The following TSPAN15 variants were observed in gnomAD, a reference collection of about 807,000 sequenced individuals.
TSPAN15 encodes tetraspanin 15.
TSPAN15 carries 20 observed loss-of-function variants against 34.5 expected under a neutral mutation model. The observed-to-expected ratio is 0.58, with a 90% CI of 0.41 to 0.84. The LOEUF is 0.84. Among genes scored for constraint, TSPAN15 ranks in the 40% least tolerant of loss-of-function variants. TSPAN15 has a pLI of 0.00. For missense variants in TSPAN15, 313 were observed against 386.1 expected (o/e 0.81, Z 1.59); for synonymous variants, 155 against 153.9 (o/e 1.01, Z -0.05).
chr10:69,506,118 ATGCAGCGTTTCAGTG>A lies in TSPAN15; in HGVS notation c.619_633del (p.Arg207_Gln211del). On this transcript the variant is annotated splice_acceptor_variant and splice_polypyrimidine_tract_variant and coding_sequence_variant and intron_variant, in exon 7 of 8. Transcript: ENST00000373290. LOFTEE classifies it high-confidence loss of function. The surrounding 1 kb of genome is among the most constrained non-coding windows in gnomAD (Gnocchi z 4.7). Reference sequence around the variant, plus strand: ...TGCTGGGCTGACCCAGCTCCTTCCCATGCAGCGTTTCAGTGTGCAGGATGTCATCTACGTGCGGGG... The same window carrying A: ...TGCTGGGCTGACCCAGCTCCTTCCCATGCAGGATGTCATCTACGTGCGGGG... 1 of 1,613,028 alleles carries A rather than the reference ATGCAGCGTTTCAGTG, an allele frequency of 6.2e-7. No individual in the cohort carries two copies.
chr10:69,506,786 T>G lies in TSPAN15; in HGVS notation c.736-43T>G. On this transcript the variant is annotated intron_variant, in intron 7 of 7. Transcript: ENST00000373290. The surrounding 1 kb of genome is among the most constrained non-coding windows in gnomAD (Gnocchi z 4.7). ...CCGGGAGCTGCAGGGAGGGCTGCCC[T>G]GATTCCCAGCAGGCCCTCACCAGCC... 6.5e-7 allele frequency: 1 copy of G among 1,544,740 alleles called. No individual in the cohort carries two copies. Among genetic ancestry groups the G allele is most frequent in the Non-Finnish European group, 8.8e-7 (1 of 1,141,364 alleles).
chr10:69,459,407 A>G (rs1841193677), intron 1 of TSPAN15, among the ~76,000 whole-genome samples: 1 of 152,188 alleles, frequency 6.6e-6, no homozygotes, highest in South Asian at 2.1e-4. Flanking sequence ...TAAGGAGAAA[A>G]TTAGGGAGCA....
the TSPAN15 span, among the ~76,000 whole-genome samples, chr10:69,539,253 G>A: frequency 3.3e-5 from 5 of 151,984 alleles, no homozygotes; most frequent in East Asian, 9.7e-4. Context: ...TTGCAGGAAA[G>A]GGTGGGAGGG....
At chr10:69,495,765 T>C (rs1842067666) in intron 4 of TSPAN15, 76 bp downstream of exon 4, 6 of 1,046,096 alleles carry the variant, frequency 5.7e-6, no homozygotes, top group South Asian at 5.2e-5. Context: ...CTCAAGAAGA[T>C]GGGGTGAGGG....
At chr10:69,479,995 C>A (rs1841698257) in intron 1 of TSPAN15, among the ~76,000 whole-genome samples, 1 of 152,180 alleles carries the variant, frequency 6.6e-6, no homozygotes, top group African/African-American at 2.4e-5. Context: ...TGTCTCAAGG[C>A]TAACTAGCAA....
intron 1 of TSPAN15, among the ~76,000 whole-genome samples, chr10:69,456,506 T>G (rs1216878257): frequency 6.6e-6 from 1 of 152,224 alleles, no homozygotes; most frequent in Admixed American, 6.5e-5. Context: ...TTTAAATTTA[T>G]TTTTAAAAGG....
intron 1 of TSPAN15, among the ~76,000 whole-genome samples, chr10:69,467,768 G>T (rs948468353): frequency 6.6e-6 from 1 of 151,978 alleles, no homozygotes; most frequent in African/African-American, 2.4e-5. Flanking sequence ...TCATGCCTAA[G>T]AAAATACTAA....
the TSPAN15 span, among the ~76,000 whole-genome samples, chr10:69,544,247 A>G: frequency 2.6e-5 from 4 of 152,228 alleles, no homozygotes; most frequent in Admixed American, 2.0e-4. Context: ...TTTAAAGTGT[A>G]TTATTTAAGC....
chr10:69,514,187 C>T, the TSPAN15 span, among the ~76,000 whole-genome samples: 1 of 152,228 alleles, frequency 6.6e-6, no homozygotes, highest in African/African-American at 2.4e-5. Flanking sequence ...TTCATTTTCA[C>T]ATGCTGAATT....
intron 1 of TSPAN15, among the ~76,000 whole-genome samples, chr10:69,466,681 A>T (rs1038647726): frequency 3.3e-5 from 5 of 152,212 alleles, no homozygotes; most frequent in Admixed American, 2.0e-4. Context: ...GGGAGTTCTC[A>T]GTGGTTCCTT....
rs925774284 is a variant in TSPAN15, at chr10:69,460,285, G to C, written c.96+8595G>C. Among the ~76,000 whole-genome samples, 3 of 152,082 alleles carry C rather than the reference G, an allele frequency of 2.0e-5. No individual in the cohort carries two copies. The East Asian group carries it at 5.8e-4, about 30-fold the overall frequency. ...AAGCACTAGGCCACAACAGGCACGC[G>C]GGGCCAGGCAGGCCGTCTGAGAAGT... On this transcript the variant is annotated intron_variant, in intron 1 of 7. Coordinates refer to ENST00000373290, the MANE Select transcript of TSPAN15 (RefSeq NM_012339.5).
intron 3 of TSPAN15, among the ~76,000 whole-genome samples, chr10:69,491,551 T>A (rs1407753355): frequency 2.0e-5 from 3 of 151,508 alleles, no homozygotes; most frequent in African/African-American, 4.9e-5. Flanking sequence ...TGTGTGTAGA[T>A]GAGGTCAAGC....
At chr10:69,476,765 C>G (rs1246441275) in intron 1 of TSPAN15, among the ~76,000 whole-genome samples, 1 of 152,044 alleles carries the variant, frequency 6.6e-6, no homozygotes, top group Non-Finnish European at 1.5e-5. Context: ...AGGAGGCAGC[C>G]TCTGCTGCTT....
At chr10:69,518,272 G>C in the TSPAN15 span, among the ~76,000 whole-genome samples, 1 of 152,334 alleles carries the variant, frequency 6.6e-6, no homozygotes, top group African/African-American at 2.4e-5. Flanking sequence ...AAAGGAAAAG[G>C]TTATGGACAG....
the TSPAN15 span, among the ~76,000 whole-genome samples, chr10:69,531,063 A>C: frequency 1.4e-5 from 2 of 145,488 alleles, 1 homozygote; most frequent in East Asian, 5.3e-4. Flanking sequence ...ATTGGAATAA[A>C]AACTGCTCGG....
chr10:69,465,763 GA>G (rs1389086235), intron 1 of TSPAN15, among the ~76,000 whole-genome samples: 3 of 152,216 alleles, frequency 2.0e-5, no homozygotes, highest in Non-Finnish European at 4.4e-5. Context: ...TTTCTTGGAA[GA>G]ACTTTTCTTA....
Position 69,451,657 on chromosome 10 carries a change from G to C in TSPAN15, c.63G>C (p.Lys21Asn). The C allele has an allele frequency of 1.3e-6, 2 of 1,546,866 alleles. No individual in the cohort carries two copies. Among genetic ancestry groups the C allele is most frequent in the Non-Finnish European group, 1.7e-6 (2 of 1,145,124 alleles). Residue 21 changes from lysine (K) to asparagine (N), a missense_variant, in exon 1 of 8, where the codon AAG becomes AAC. By Grantham distance (94) the Lys-to-Asn change is moderately conservative (BLOSUM62 0). Coordinates refer to ENST00000373290, the MANE Select transcript of TSPAN15 (RefSeq NM_012339.5). ...YCARFSYLWLKFSLIIYSTVF... is the reference protein window; with the variant it reads ...YCARFSYLWLNFSLIIYSTVF... ...CGCGCTTCTCCTACCTCTGGCTCAA[G>C]TTTTCACTTATCATCTATTCCACCG... is the stretch of plus-strand genomic sequence containing the variant.
At chr10:69,469,053 A>ACTGTTCAGCCCCTC (rs1554831901) in intron 1 of TSPAN15, among the ~76,000 whole-genome samples, 2 of 134,964 alleles carry the variant, frequency 1.5e-5, no homozygotes, top group African/African-American at 2.7e-5. Flanking sequence ...AGAGGGCTGG[A>ACTGTTCAGCCCCTC]CAGAAAGGGT....
chr10:69,548,163 C>T, the TSPAN15 span, among the ~76,000 whole-genome samples: 2 of 151,710 alleles, frequency 1.3e-5, no homozygotes, highest in African/African-American at 2.4e-5. Context: ...GGGAAAGGAT[C>T]GGGGGCAGAC....
Sources: allele counts gnomAD v4.1 joint callset (sites outside exome capture counted in the v4.1 genomes callset), GRCh38; gene constraint gnomAD v4.1.1; non-coding constraint Gnocchi (gnomAD v3.1); transcripts MANE v1.5; gene names NCBI Gene and HGNC (gene_info 2026-07-23, HGNC 2026-07-21).